GALNT13: variants seen among roughly 807,000 people sequenced by gnomAD.
GALNT13 encodes UDP-GalNAc:polypeptide N-acetylgalactosaminyltransferase 13.
A neutral mutation model predicts 64.2 loss-of-function variants in GALNT13; 28 were observed. The observed-to-expected ratio is 0.44, with a 90% CI of 0.32 to 0.60. GALNT13 has a LOEUF of 0.60. GALNT13 is among the 20% of genes least tolerant of loss of function. GALNT13 has a pLI of 0.05. For synonymous variants in GALNT13, 214 were observed against 224.6 expected (o/e 0.95, Z 0.42); for missense variants, 577 against 669.8 (o/e 0.86, Z 1.53).
intron 8 of GALNT13, among the ~76,000 whole-genome samples, chr2:154,299,386 C>G (rs1327258878): frequency 6.6e-6 from 1 of 150,920 alleles, no homozygotes; most frequent in Admixed American, 6.6e-5. Flanking sequence ...TAAAAATGTG[C>G]GTAATCACAA....
the GALNT13 span, among the ~76,000 whole-genome samples, chr2:153,759,888 C>T: frequency 6.6e-6 from 1 of 151,926 alleles, no homozygotes; most frequent in South Asian, 2.1e-4. Context: ...TATTAGTTCT[C>T]CTTTAAGTGG....
At chr2:154,340,996 A>G (rs1305207615) in intron 9 of GALNT13, among the ~76,000 whole-genome samples, 1 of 152,056 alleles carries the variant, frequency 6.6e-6, no homozygotes, top group East Asian at 1.9e-4. Context: ...ATATTCATAT[A>G]TAATACATAG....
At chr2:153,323,093 G>A in the GALNT13 span, among the ~76,000 whole-genome samples, 1 of 152,190 alleles carries the variant, frequency 6.6e-6, no homozygotes, top group Middle Eastern at 3.4e-3. Context: ...CACAATAGTT[G>A]AACTAATTTA....
At chr2:154,102,216 A>C (rs78706924) in intron 3 of GALNT13, among the ~76,000 whole-genome samples, 1 of 152,120 alleles carries the variant, frequency 6.6e-6, no homozygotes, top group Admixed American at 6.6e-5. Flanking sequence ...CTATCTCTCT[A>C]TGATAATCTA....
At chr2:153,909,865 A>C (rs1362713764) in intron 2 of GALNT13, among the ~76,000 whole-genome samples, 1 of 152,104 alleles carries the variant, frequency 6.6e-6, no homozygotes, top group African/African-American at 2.4e-5. Context: ...ATCTATCCTC[A>C]TCAAGAATTT....
chr2:153,151,086 C>T, the GALNT13 span, among the ~76,000 whole-genome samples: 9 of 152,036 alleles, frequency 5.9e-5, no homozygotes, highest in Admixed American at 5.9e-4. Flanking sequence ...GATATTGATT[C>T]TTCCTACCCA....
the GALNT13 span, among the ~76,000 whole-genome samples, chr2:153,130,947 G>A: frequency 9.3e-3 from 1,411 of 152,200 alleles, 13 homozygotes; most frequent in Non-Finnish European, 0.016. Context: ...TGGATTTTCC[G>A]CATACATGCT....
the GALNT13 span, among the ~76,000 whole-genome samples, chr2:153,157,510 A>G: frequency 6.6e-6 from 1 of 152,180 alleles, no homozygotes; most frequent in East Asian, 1.9e-4. Flanking sequence ...TTCAAGCTAA[A>G]CGTTACACAG....
the GALNT13 span, among the ~76,000 whole-genome samples, chr2:153,514,845 A>G: frequency 6.6e-6 from 1 of 152,114 alleles, no homozygotes; most frequent in Non-Finnish European, 1.5e-5. Context: ...ATGCTGCTTT[A>G]GTGGCCAATC....
the GALNT13 span, among the ~76,000 whole-genome samples, chr2:153,735,691 T>A: frequency 1.3e-5 from 2 of 152,314 alleles, no homozygotes; most frequent in Admixed American, 1.3e-4. Flanking sequence ...GTATTCCCAG[T>A]CCTCATTGAC....
At chr2:153,336,038 C>T in the GALNT13 span, among the ~76,000 whole-genome samples, 3 of 152,178 alleles carry the variant, frequency 2.0e-5, no homozygotes, top group East Asian at 5.8e-4. Flanking sequence ...CTTGAGCCTG[C>T]AGATGGACAG....
chr2:154,234,578 A>G (rs1396014582), intron 4 of GALNT13, among the ~76,000 whole-genome samples: 2 of 151,974 alleles, frequency 1.3e-5, no homozygotes, highest in Non-Finnish European at 2.9e-5. Flanking sequence ...ATTTTCATAT[A>G]CTCTTTCCCT....
At chr2:154,315,944 T>C (rs939334849) in intron 9 of GALNT13, among the ~76,000 whole-genome samples, 1 of 152,020 alleles carries the variant, frequency 6.6e-6, no homozygotes, top group Non-Finnish European at 1.5e-5. Flanking sequence ...AAAAATTAGC[T>C]GGGCGTGGTG....
chr2:154,248,742 G>A (rs1689917285), intron 7 of GALNT13, among the ~76,000 whole-genome samples: 1 of 152,132 alleles, frequency 6.6e-6, no homozygotes, highest in Non-Finnish European at 1.5e-5. Flanking sequence ...AACTGCCCAT[G>A]TAGAAATGGC....
intron 3 of GALNT13, among the ~76,000 whole-genome samples, chr2:154,011,453 T>C (rs546198760): frequency 6.6e-6 from 1 of 152,320 alleles, no homozygotes; most frequent in East Asian, 1.9e-4. Context: ...TGATTTCAGC[T>C]TTTTTGAATT....
chr2:153,957,414 T>TG (rs1692638355), intron 3 of GALNT13, among the ~76,000 whole-genome samples: 1 of 152,204 alleles, frequency 6.6e-6, no homozygotes, highest in African/African-American at 2.4e-5. Context: ...GGCAGCTGCT[T>TG]GTCTGCCACT....
chr2:154,298,197 G>A (rs1200415389), intron 8 of GALNT13, among the ~76,000 whole-genome samples: 6 of 151,112 alleles, frequency 4.0e-5, no homozygotes, highest in African/African-American at 1.5e-4. Flanking sequence ...AAAATCAGGA[G>A]ACTCCAAGAA....
At chr2:153,457,575 C>T in the GALNT13 span, among the ~76,000 whole-genome samples, 1 of 152,006 alleles carries the variant, frequency 6.6e-6, no homozygotes, top group Non-Finnish European at 1.5e-5. Flanking sequence ...TCATAAAAAC[C>T]CTATGAGTAG....
intron 7 of GALNT13, among the ~76,000 whole-genome samples, chr2:154,249,035 A>C (rs890684138): frequency 3.9e-5 from 6 of 152,292 alleles, no homozygotes; most frequent in Non-Finnish European, 5.9e-5. Flanking sequence ...CTGTATAACT[A>C]TGCATATACA....
Sources: allele counts gnomAD v4.1 joint callset (sites outside exome capture counted in the v4.1 genomes callset), GRCh38; gene constraint gnomAD v4.1.1; transcripts MANE v1.5; gene names NCBI Gene and HGNC (gene_info 2026-07-23, HGNC 2026-07-21).